The following TBCCD1 variants were observed in gnomAD, a reference collection of about 807,000 sequenced individuals.
The protein encoded by TBCCD1 is TBCC domain containing 1, also known as TBCC domain-containing protein 1.
TBCCD1 carries 26 observed loss-of-function variants against 53.4 expected under a neutral mutation model. The observed-to-expected ratio is 0.49, with a 90% confidence interval of 0.36 to 0.68. The LOEUF (loss-of-function observed/expected upper bound fraction) is 0.68, where lower values mean the gene tolerates loss of function less well. Among genes scored for constraint, TBCCD1 ranks in the 30% least tolerant of loss-of-function variants. The pLI, the probability that TBCCD1 is intolerant of heterozygous loss-of-function variation, is 0.00. For synonymous variants in TBCCD1, 245 were observed against 241.7 expected (o/e 1.01, Z -0.13); for missense variants, 558 against 669.5 (o/e 0.83, Z 1.84).
intron 1 of TBCCD1, among the ~76,000 whole-genome samples, chr3:186,564,625 T>C (rs1470982283): frequency 6.6e-6 from 1 of 152,176 alleles, no homozygotes; most frequent in Non-Finnish European, 1.5e-5. Context: ...GAAGTGTGTG[T>C]AGATGCATGA....
intron 6 of TBCCD1, among the ~76,000 whole-genome samples, chr3:186,552,368 C>A (rs1322281058): frequency 2.0e-5 from 3 of 152,064 alleles, no homozygotes; most frequent in Non-Finnish European, 1.5e-5. Context: ...TTTTGTTGAA[C>A]ATAAACAATA....
intron 2 of TBCCD1, among the ~76,000 whole-genome samples, chr3:186,560,141 T>C (rs1033300860): frequency 3.8e-5 from 5 of 131,886 alleles, no homozygotes; most frequent in African/African-American, 1.5e-4. Context: ...ATGGAGACTA[T>C]AGGATCCTTG....
At chr3:186,565,989 T>G (rs1268683013) in intron 1 of TBCCD1, among the ~76,000 whole-genome samples, 2 of 152,212 alleles carry the variant, frequency 1.3e-5, no homozygotes, top group African/African-American at 4.8e-5. Context: ...GATGAAAATT[T>G]TATTGCTATT....
intron 2 of TBCCD1, among the ~76,000 whole-genome samples, chr3:186,559,671 T>G (rs1051607314): frequency 1.8e-4 from 28 of 152,238 alleles, no homozygotes; most frequent in African/African-American, 5.5e-4. Flanking sequence ...TTTAATCAAC[T>G]AACAATGTGA....
In TBCCD1 at chr3:186,554,993, C is replaced by T; in HGVS notation, c.951G>A (p.Lys317=). The change falls in exon 5 of 8, where the codon AAG becomes AAA. Residue 317 remains lysine (K), a synonymous_variant. Coordinates refer to ENST00000338733, the MANE Select transcript of TBCCD1 (RefSeq NM_018138.5). ...HRLVVMSQVY[K]QTLAKSSDTL... ...TGTCTGAGCTCTTAGCCAGTGTCTG[C>T]TTGTAAACCTGGCTCATCACTACCA... 1 of 1,613,994 alleles carries T rather than the reference C, an allele frequency of 6.2e-7. No individual in the cohort carries two copies.
intron 2 of TBCCD1, among the ~76,000 whole-genome samples, chr3:186,559,784 C>T (rs1714643053): frequency 1.3e-5 from 2 of 152,146 alleles, no homozygotes; most frequent in South Asian, 2.1e-4. Flanking sequence ...ACAGAAAGAT[C>T]CCATGTACCC....
upstream of TBCCD1, among the ~76,000 whole-genome samples, chr3:186,569,283 G>A (rs776476345): frequency 2.1e-5 from 3 of 142,226 alleles, no homozygotes; most frequent in Non-Finnish European, 4.6e-5. Context: ...TTTAAACAGG[G>A]GAGTGACATG....
chr3:186,556,596 C>T lies in TBCCD1; in HGVS notation c.672G>A (p.Arg224=), dbSNP rs1184244800. The T allele has an allele frequency of 6.2e-7, 1 of 1,614,188 alleles. No individual in the cohort carries two copies. The highest frequency in any genetic ancestry group is 8.5e-7 in the Non-Finnish European group (1 of 1,180,044). The stretch of plus-strand genomic sequence containing the variant: ...CAAGTTCATGAAGTGGATAGATCTT[C>T]CTGGCTCTACTTATTGTACCTTCAA... ...FLIEGTISRA[R]KIYPLHELAL... Residue 224 remains arginine, a synonymous_variant, in exon 4 of 8, where the codon AGG becomes AGA. Coordinates refer to ENST00000338733, the MANE Select transcript of TBCCD1 (RefSeq NM_018138.5).
In TBCCD1 at chr3:186,554,642, G is replaced by A. The variant is rs746440903; in HGVS notation, c.1156C>T (p.Arg386Cys). ...CCTGTTGTAGAAGAGATGGACAAAC[G>A]ATGGCAAACAGCAATGACTTTAACA... The part of the protein sequence containing the change: ...DNVKVIAVCH[R>C]LSISSTTGCI... Residue 386 changes from arginine to cysteine, a missense_variant, in exon 6 of 8, where the codon CGT becomes TGT. Coordinates refer to ENST00000338733, the MANE Select transcript of TBCCD1 (RefSeq NM_018138.5). The A allele has an allele frequency of 6.8e-6, 11 of 1,614,056 alleles. No homozygotes were observed. Among genetic ancestry groups the A allele is most frequent in the East Asian group, 4.5e-5 (2 of 44,894 alleles).
chr3:186,547,152 A>G (rs1714237059), intron 7 of TBCCD1, among the ~76,000 whole-genome samples, 197 bp from the exon 8 acceptor site: 1 of 152,204 alleles, frequency 6.6e-6, no homozygotes, highest in African/African-American at 2.4e-5. Flanking sequence ...TAAAAGAGAA[A>G]TTCATACATG....
chr3:186,558,720 G>A, intron 2 of TBCCD1, 148 bp from the exon 3 acceptor site: 1 of 771,146 alleles, frequency 1.3e-6, no homozygotes, highest in East Asian at 2.8e-5. Context: ...GTATGTCTCT[G>A]GTACCCAGAT....
Position 186,558,776 on chromosome 3 carries a change from T to C in TBCCD1, c.337-204A>G, listed in dbSNP as rs577443671. Among the ~76,000 whole-genome samples the C allele has an allele frequency of 7.9e-5, 12 of 152,282 alleles. 1 individual carries two copies. The highest frequency in any genetic ancestry group is 3.4e-3 in the Middle Eastern group (1 of 294). On this transcript the variant is annotated intron_variant, in intron 2 of 7. Coordinates refer to ENST00000338733, the MANE Select transcript of TBCCD1 (RefSeq NM_018138.5). ...TTTTTTTGAGACAGAGTTTCACTCT[T>C]GTCGCCCAGGCTGGAGTGCAATGAT...
chr3:186,549,298 A>T lies in TBCCD1; in HGVS notation c.*21+1831T>A, dbSNP rs918480910. 5.9e-5 allele frequency among the ~76,000 whole-genome samples: 9 copies of T among 152,176 alleles called. No individual in the cohort carries two copies. The East Asian group carries it at 1.5e-3, about 26-fold the overall frequency. On this transcript the variant is annotated intron_variant, in intron 7 of 7. Coordinates refer to ENST00000338733, the MANE Select transcript of TBCCD1 (RefSeq NM_018138.5). ...GTGAGACTCCATCTCAAAAATAAAT[A>T]AATAAATTAATTAATTAATTAATTG...
intron 2 of TBCCD1, among the ~76,000 whole-genome samples, chr3:186,559,578 A>G (rs1183689365): frequency 1.3e-5 from 2 of 152,202 alleles, no homozygotes; most frequent in Non-Finnish European, 2.9e-5. Flanking sequence ...CTACAGCTAT[A>G]TTCACCCTGA....
intron 1 of TBCCD1, among the ~76,000 whole-genome samples, chr3:186,564,692 C>T (rs748415209): frequency 6.6e-6 from 1 of 152,174 alleles, no homozygotes; most frequent in Non-Finnish European, 1.5e-5. Flanking sequence ...CATCCTATCA[C>T]AGGAAACCTT....
intron 1 of TBCCD1, among the ~76,000 whole-genome samples, chr3:186,565,109 C>CTTTTTTTTTT (rs370017010): frequency 1.6e-5 from 2 of 124,760 alleles, no homozygotes; most frequent in Non-Finnish European, 1.7e-5. Context: ...TCTTCTTCTT[C>CTTTTTTTTTT]TTTTTTTTTT....
At position 186,554,371 on chromosome 3, in the gene TBCCD1, T is replaced by C; in HGVS notation, c.1427A>G (p.Glu476Gly). The C allele has an allele frequency of 1.2e-6, 2 of 1,614,254 alleles. No individual in the cohort carries two copies. The highest frequency in any genetic ancestry group is 8.5e-7 in the Non-Finnish European group (1 of 1,180,046). ...FYVFIIPFEM[E>G]GDTTEIPGGL... ...CCCGGGTATCTCTGTTGTGTCCCCT[T>C]CCATTTCAAAGGGAATAATAAATAC... is the stretch of plus-strand genomic sequence containing the variant. The change falls in exon 6 of 8, where the codon GAA becomes GGA. Residue 476 changes from glutamate (E) to glycine (G), a missense_variant. Coordinates refer to ENST00000338733, the MANE Select transcript of TBCCD1 (RefSeq NM_018138.5).
intron 7 of TBCCD1, among the ~76,000 whole-genome samples, chr3:186,550,541 G>C (rs950907163): frequency 3.3e-5 from 5 of 151,280 alleles, no homozygotes; most frequent in Non-Finnish European, 7.4e-5. Context: ...AGCTGAGATG[G>C]CGCCACTGCA....
chr3:186,568,141 A>G (rs1408082472), upstream of TBCCD1, among the ~76,000 whole-genome samples: 1 of 152,052 alleles, frequency 6.6e-6, no homozygotes, highest in Non-Finnish European at 1.5e-5. Context: ...AAATTTACAC[A>G]TACCTGGGTT....
Sources: gnomAD v4.1 joint callset for allele counts (sites outside exome capture counted in the v4.1 genomes callset) on GRCh38, gnomAD v4.1.1 for gene constraint, MANE v1.5 for transcripts, NCBI Gene and HGNC (gene_info 2026-07-23, HGNC 2026-07-21) for gene names.